Variants in ZMAT4 observed in about 807,000 individuals in gnomAD.
The protein encoded by ZMAT4 is zinc finger matrin-type protein 4.
A neutral mutation model predicts 28.7 loss-of-function variants in ZMAT4; 17 were observed. The ratio of observed to expected loss-of-function variants is 0.59; its 90% CI spans 0.41 to 0.89. The LOEUF is 0.89. ZMAT4 is among the 40% of genes least tolerant of loss of function. ZMAT4 has a pLI of 0.00. For synonymous variants in ZMAT4, 117 were observed against 109.2 expected, an observed-to-expected ratio of 1.07 and a Z score of -0.44; for missense variants, 240 against 283.8, an observed-to-expected ratio of 0.85 and a Z score of 1.11.
chr8:40,766,526 C>T (rs1002941539), intron 3 of ZMAT4, among the ~76,000 whole-genome samples: 4 of 152,178 alleles, frequency 2.6e-5, no homozygotes, highest in Non-Finnish European at 2.9e-5. Context: ...GACTCAGTCC[C>T]GGCTCTTAGC....
chr8:40,588,891 C>G (rs76063456), intron 5 of ZMAT4, among the ~76,000 whole-genome samples: 10,455 of 152,192 alleles, frequency 0.069, 577 homozygotes, highest in Admixed American at 0.17. Flanking sequence ...AACCCCAATG[C>G]CCATCAACAC....
chr8:40,667,837 A>AG (rs1808489367), intron 5 of ZMAT4, among the ~76,000 whole-genome samples: 2 of 144,956 alleles, frequency 1.4e-5, no homozygotes. Context: ...CATTATTTAA[A>AG]AAAAAAAAAA....
chr8:40,859,188 T>G (rs902088990), intron 1 of ZMAT4, among the ~76,000 whole-genome samples: 8 of 152,212 alleles, frequency 5.3e-5, no homozygotes, highest in African/African-American at 1.9e-4. Flanking sequence ...TGAAGTCCTG[T>G]GCCTTCAAGG....
chr8:40,616,107 A>T (rs1805996270), intron 5 of ZMAT4, among the ~76,000 whole-genome samples: 1 of 152,242 alleles, frequency 6.6e-6, no homozygotes, highest in South Asian at 2.1e-4. Flanking sequence ...AAAAGAAGAC[A>T]TTTATGCAGT....
At chr8:40,637,507 G>A (rs184024558) in intron 5 of ZMAT4, among the ~76,000 whole-genome samples, 1 of 152,168 alleles carries the variant, frequency 6.6e-6, no homozygotes, top group Non-Finnish European at 1.5e-5. Context: ...ACCACTCCTT[G>A]TCTCCCCAGA....
chr8:40,730,602 C>A (rs113347422), intron 3 of ZMAT4, among the ~76,000 whole-genome samples: 5 of 152,226 alleles, frequency 3.3e-5, no homozygotes, highest in African/African-American at 9.6e-5. Flanking sequence ...ACCCATGTTG[C>A]CCCAAAGGAT....
At chr8:40,791,688 T>G (rs116076478) in intron 2 of ZMAT4, among the ~76,000 whole-genome samples, 2,036 of 152,322 alleles carry the variant, frequency 0.013, 48 homozygotes, top group African/African-American at 0.046. Context: ...CATAGATTTT[T>G]TTAAATAATA....
intron 2 of ZMAT4, among the ~76,000 whole-genome samples, chr8:40,823,670 CAT>C (rs766688835): frequency 6.6e-6 from 1 of 151,746 alleles, no homozygotes. Context: ...CACAAATATA[CAT>C]ATATATACAC....
chr8:40,601,649 A>AG (rs1805376622), intron 5 of ZMAT4, among the ~76,000 whole-genome samples: 1 of 30,084 alleles, frequency 3.3e-5, no homozygotes. Flanking sequence ...AGAAAGAAAG[A>AG]AAGAAAGAAA....
chr8:40,757,646 TA>T (rs995744780), intron 3 of ZMAT4, among the ~76,000 whole-genome samples: 11 of 152,254 alleles, frequency 7.2e-5, no homozygotes, highest in African/African-American at 2.2e-4. Flanking sequence ...ATACTTTATG[TA>T]AAATATAGGA....
chr8:40,647,876 A>G (rs1807416776), intron 5 of ZMAT4, among the ~76,000 whole-genome samples: 1 of 152,174 alleles, frequency 6.6e-6, no homozygotes, highest in Non-Finnish European at 1.5e-5. Flanking sequence ...TGTCTGTTAG[A>G]AGGAAAACTA....
intron 1 of ZMAT4, among the ~76,000 whole-genome samples, chr8:40,896,325 T>C (rs891662054): frequency 6.6e-6 from 1 of 152,144 alleles, no homozygotes; most frequent in African/African-American, 2.4e-5. Flanking sequence ...TTGTCAGGAC[T>C]GGGAATCGAA....
intron 5 of ZMAT4, among the ~76,000 whole-genome samples, chr8:40,601,790 A>C (rs1805401003): frequency 1.3e-5 from 2 of 152,120 alleles, no homozygotes; most frequent in African/African-American, 4.8e-5. Flanking sequence ...GGACCCTATA[A>C]GGTGTGTTTT....
intron 1 of ZMAT4, among the ~76,000 whole-genome samples, chr8:40,885,100 G>A (rs1191054324): frequency 6.6e-6 from 1 of 151,992 alleles, no homozygotes; most frequent in Non-Finnish European, 1.5e-5. Context: ...GGGTTGTCTA[G>A]CTTAGAGCTC....
At position 40,630,955 on chromosome 8, in the gene ZMAT4, T is replaced by G. The variant is rs533304053; in HGVS notation, c.577+43749A>C. Among the ~76,000 whole-genome samples, 284 of 146,832 alleles carry G rather than the reference T, an allele frequency of 1.9e-3. 1 individual carries two copies. Among genetic ancestry groups the G allele is most frequent in the African/African-American group, 6.6e-3 (263 of 40,126 alleles). ...CTATCACTTCAACATGTAATCAATATGAAAATATTAATTAGAAATGCACAT... is the reference window on the plus strand; with the variant it reads ...CTATCACTTCAACATGTAATCAATAGGAAAATATTAATTAGAAATGCACAT... On this transcript the variant is annotated intron_variant, in intron 5 of 6. Transcript: ENST00000297737.
intron 5 of ZMAT4, among the ~76,000 whole-genome samples, chr8:40,639,990 T>C (rs1001069796): frequency 2.6e-5 from 4 of 152,168 alleles, no homozygotes; most frequent in South Asian, 2.1e-4. Context: ...TATGTATGTA[T>C]GTATTTTTTT....
chr8:40,570,987 G>A (rs1804079872), intron 6 of ZMAT4, among the ~76,000 whole-genome samples: 1 of 152,140 alleles, frequency 6.6e-6, no homozygotes, highest in African/African-American at 2.4e-5. Context: ...AAGAACATGA[G>A]AGGTATTCTG....
intron 4 of ZMAT4, chr8:40,690,942 G>C (rs1809636262): frequency 2.0e-6 from 2 of 984,274 alleles, no homozygotes; most frequent in South Asian, 9.4e-5. Flanking sequence ...ATTGTTTACT[G>C]TTCCTGCAAA....
At chr8:40,746,671 A>T (rs1812251744) in intron 3 of ZMAT4, among the ~76,000 whole-genome samples, 1 of 152,076 alleles carries the variant, frequency 6.6e-6, no homozygotes, top group African/African-American at 2.4e-5. Flanking sequence ...TACTACTAAT[A>T]GTGCCCTTTC....
Sources: allele counts gnomAD v4.1 joint callset (sites outside exome capture counted in the v4.1 genomes callset), GRCh38; gene constraint gnomAD v4.1.1; transcripts MANE v1.5; gene names NCBI Gene and HGNC (gene_info 2026-07-23, HGNC 2026-07-21).